SDK1: variants seen among roughly 807,000 people sequenced by gnomAD.
The protein encoded by SDK1 is protein sidekick-1.
In SDK1, 157 loss-of-function variants were observed where a neutral mutation model predicts 245.5. The ratio of observed to expected loss-of-function variants is 0.64; its 90% CI spans 0.56 to 0.73. The LOEUF is 0.73. Ranked by LOEUF, SDK1 falls within the 30% of genes least tolerant of loss-of-function variation. The pLI, the probability that SDK1 is intolerant of heterozygous loss-of-function variation, is 0.00. For synonymous variants in SDK1, 1,647 were observed against 1,278.5 expected (o/e 1.29, Z -6.15); for missense variants, 3,583 against 3,002.3 (o/e 1.19, Z -4.52).
intron 32 of SDK1, 130 bp from the exon 33 acceptor site, chr7:4,174,092 C>T (rs1345794776): frequency 1.1e-5 from 10 of 931,430 alleles, no homozygotes; most frequent in South Asian, 6.0e-5. Context: ...ATGAATCTGA[C>T]ACCTGTCGCT....
At chr7:3,537,880 C>T (rs1348804346) in intron 1 of SDK1, among the ~76,000 whole-genome samples, 2 of 152,188 alleles carry the variant, frequency 1.3e-5, no homozygotes, top group East Asian at 1.9e-4. Flanking sequence ...GGTAATCTCC[C>T]TGTTTTCAGT....
In SDK1 at chr7:3,646,271, C is replaced by G. The variant is rs140556921; in HGVS notation, c.713+4166C>G. Among the ~76,000 whole-genome samples the G allele has an allele frequency of 3.6e-3, 542 of 152,206 alleles. 5 individuals are homozygous for G. The highest frequency in any genetic ancestry group is 0.013 in the African/African-American group (520 of 41,524). Reference sequence around the variant, plus strand: ...CCCCACCTCCATGTTTAAACATTACCTCATTATCTGCCTTTAAAATGTGGG... The same window carrying G: ...CCCCACCTCCATGTTTAAACATTACGTCATTATCTGCCTTTAAAATGTGGG... On this transcript the variant is annotated intron_variant, in intron 4 of 44. Coordinates refer to ENST00000404826, the MANE Select transcript of SDK1 (RefSeq NM_152744.4).
chr7:3,847,318 C>T (rs1054447887), intron 5 of SDK1, among the ~76,000 whole-genome samples: 26 of 152,200 alleles, frequency 1.7e-4, no homozygotes, highest in Non-Finnish European at 3.4e-4. Flanking sequence ...TCGCCATAAA[C>T]CTAGAAATCC....
intron 1 of SDK1, among the ~76,000 whole-genome samples, chr7:3,485,445 T>C (rs1781655686): frequency 6.6e-6 from 1 of 152,072 alleles, no homozygotes; most frequent in South Asian, 2.1e-4. Flanking sequence ...CACACTCACT[T>C]TGCTTTCCCT....
intron 5 of SDK1, among the ~76,000 whole-genome samples, chr7:3,839,580 CA>C (rs917547437): frequency 5.9e-5 from 9 of 151,792 alleles, no homozygotes; most frequent in Non-Finnish European, 7.4e-5. Flanking sequence ...TTTATAAAAA[CA>C]AAAAAATAGA....
At chr7:3,780,725 A>ACCCCC (rs1780705338) in intron 4 of SDK1, among the ~76,000 whole-genome samples, 4 of 151,920 alleles carry the variant, frequency 2.6e-5, no homozygotes, top group Non-Finnish European at 5.9e-5. Flanking sequence ...AGCCCACCCA[A>ACCCCC]CCACCCTGTG....
chr7:4,057,209 A>G (rs1324101980), intron 19 of SDK1, among the ~76,000 whole-genome samples: 3 of 152,138 alleles, frequency 2.0e-5, no homozygotes, highest in Non-Finnish European at 2.9e-5. Flanking sequence ...GACCACAGCT[A>G]GCAACTGCAC....
At position 4,130,081 on chromosome 7, in the gene SDK1, G is replaced by A. The variant is rs1405910882; in HGVS notation, c.4113G>A (p.Glu1371=). 19 of 1,606,158 alleles carry A rather than the reference G, an allele frequency of 1.2e-5. No individual in the cohort carries two copies. The highest frequency in any genetic ancestry group is 1.6e-5 in the Non-Finnish European group (19 of 1,174,748). The change falls in exon 27 of 45, where the codon GAG becomes GAA. Residue 1371 remains glutamate (E), a synonymous_variant. Transcript: ENST00000404826. ...NGVPSTPLIL[E]RTKDDAPGPP... is the part of the protein sequence containing the mutation. The stretch of plus-strand genomic sequence containing the variant: ...TCCCCAGCACGCCCCTCATCCTGGA[G>A]CGCACCAAAGACGATGGTAGGTCCA...
chr7:4,102,646 A>G (rs1046141240), intron 22 of SDK1, among the ~76,000 whole-genome samples: 3 of 152,136 alleles, frequency 2.0e-5, no homozygotes, highest in Admixed American at 2.0e-4. Flanking sequence ...TGGCCACCAG[A>G]GCCTCCCAGC....
intron 23 of SDK1, 114 bp from the exon 24 acceptor site, chr7:4,113,175 G>A: frequency 9.1e-7 from 1 of 1,099,950 alleles, no homozygotes; most frequent in Non-Finnish European, 1.3e-6. Context: ...TTTATGATAT[G>A]AGTAGACACC....
intron 25 of SDK1, among the ~76,000 whole-genome samples, chr7:4,119,499 A>G (rs1386740346): frequency 6.7e-6 from 1 of 148,560 alleles, no homozygotes; most frequent in African/African-American, 2.5e-5. Flanking sequence ...CACTTTGCGT[A>G]TGGTTGGAAG....
chr7:3,319,991 G>C (rs891750758), intron 1 of SDK1, among the ~76,000 whole-genome samples: 1 of 149,682 alleles, frequency 6.7e-6, no homozygotes, highest in Admixed American at 6.7e-5. Context: ...ATTTCACCTT[G>C]CCAAATAGAA....
intron 1 of SDK1, among the ~76,000 whole-genome samples, chr7:3,537,806 A>G (rs1264062373): frequency 6.6e-6 from 1 of 152,170 alleles, no homozygotes; most frequent in East Asian, 1.9e-4. Context: ...TCTTCTGCCT[A>G]GAAGGTGATA....
intron 4 of SDK1, among the ~76,000 whole-genome samples, chr7:3,799,436 G>GGC (rs1438150052): frequency 6.6e-6 from 1 of 151,814 alleles, no homozygotes; most frequent in African/African-American, 2.4e-5. Context: ...CAGGTGCAGT[G>GGC]GCTCACGTCT....
chr7:3,639,040 G>T lies in SDK1; in HGVS notation c.495G>T (p.Gly165=), dbSNP rs567304255. ...CATCTTTGCAGAAGCTCGATGCTGG[G>T]TTTTACCGCTGCGTGGTGCGAAACA... ...IIPSLQKLDA[G]FYRCVVRNRM... Residue 165 remains glycine, a synonymous_variant, in exon 3 of 45, where the codon GGG becomes GGT. Coordinates refer to ENST00000404826, the MANE Select transcript of SDK1 (RefSeq NM_152744.4). The T allele has an allele frequency of 2.5e-6, 4 of 1,606,006 alleles. No individual in the cohort carries two copies. The highest frequency in any genetic ancestry group is 3.3e-5 in the Admixed American group (2 of 59,866).
chr7:3,740,996 T>A (rs774081853), intron 4 of SDK1, among the ~76,000 whole-genome samples: 7 of 152,212 alleles, frequency 4.6e-5, no homozygotes, highest in Non-Finnish European at 2.9e-5. Context: ...ATAGAAAGGC[T>A]ATCAGGGACC....
intron 1 of SDK1, among the ~76,000 whole-genome samples, chr7:3,396,938 C>A (rs1034441794): frequency 9.9e-5 from 15 of 151,372 alleles, no homozygotes; most frequent in Non-Finnish European, 1.8e-4. Context: ...TCCTTCATTC[C>A]TCCATGACTG....
rs538099478 is a variant in SDK1 at position 3,859,105 on chromosome 7, G to A, written c.847+37522G>A. Among the ~76,000 whole-genome samples, 9 of 151,800 alleles carry A rather than the reference G, an allele frequency of 5.9e-5. No homozygotes were observed. In the South Asian group the frequency reaches 8.4e-4, roughly 14 times the overall value. On this transcript the variant is annotated intron_variant, in intron 5 of 44. Transcript: ENST00000404826. ...TCTCGAACTCCTGACCTCGTGATCC[G>A]CCCGCCTCGGCCTCCCAAAGTGCTG... is the stretch of plus-strand genomic sequence containing the variant.
At chr7:3,363,097 A>T (rs1192463357) in intron 1 of SDK1, among the ~76,000 whole-genome samples, 2 of 152,152 alleles carry the variant, frequency 1.3e-5, no homozygotes, top group Admixed American at 6.5e-5. Flanking sequence ...CACCACAAGG[A>T]TCTCTCATGT....
Sources: allele counts gnomAD v4.1 joint callset (sites outside exome capture counted in the v4.1 genomes callset), GRCh38; gene constraint gnomAD v4.1.1; transcripts MANE v1.5; gene names NCBI Gene and HGNC (gene_info 2026-07-23, HGNC 2026-07-21).